The following CLN6 variants were observed in gnomAD, a reference collection of about 807,000 sequenced individuals.
The protein encoded by CLN6 is ceroid-lipofuscinosis neuronal protein 6.
CLN6 carries 22 observed loss-of-function variants against 33.3 expected under a neutral mutation model. The observed-to-expected ratio is 0.66, with a 90% CI of 0.47 to 0.94. The LOEUF is 0.94. CLN6 is among the 40% of genes least tolerant of loss of function. The pLI is 0.00. For missense variants in CLN6, 387 were observed against 417.1 expected (o/e 0.93, Z 0.63); for synonymous variants, 201 against 174.6 (o/e 1.15, Z -1.19).
intron 2 of CLN6, 31 bp downstream of exon 2, chr15:68,218,505 G>T (rs367865624): frequency 1.4e-5 from 21 of 1,505,858 alleles, no homozygotes; most frequent in Middle Eastern, 1.7e-4. Context: ...CTCAGTGCTG[G>T]TCAGAGCCCT....
In CLN6 at chr15:68,219,664, G is replaced by C. The variant is rs1318679250; in HGVS notation, c.84-1014C>G. 1.3e-5 allele frequency among the ~76,000 whole-genome samples: 2 copies of C among 152,142 alleles called. No homozygotes were observed. Among genetic ancestry groups the C allele is most frequent in the African/African-American group, 4.8e-5 (2 of 41,432 alleles). ...CGCCAACCCAGTCTGGCATAATGGG[G>C]CTGGAGCTGTACTCTCCCATCTAGA... is the stretch of plus-strand genomic sequence containing the variant. On this transcript the variant is annotated intron_variant, in intron 1 of 6. Transcript: ENST00000249806. This position sits in a 1 kb window ranked among gnomAD's most constrained non-coding sequence, Gnocchi z 4.2.
At position 68,208,559 on chromosome 15, in the gene CLN6, A is replaced by G. The variant is rs2093194898; in HGVS notation, c.666-149T>C. On this transcript the variant is annotated intron_variant, in intron 6 of 6. Transcript: ENST00000249806. This position sits in a 1 kb window ranked among gnomAD's most constrained non-coding sequence, Gnocchi z 5.8. ...TCAGAGAACTATGCCGCTCTAAGCC[A>G]CAGCCCATGGGCAGCATATTGATTT... 3 of 771,320 alleles carry G rather than the reference A, an allele frequency of 3.9e-6. No homozygotes were observed. The South Asian group carries it at 4.8e-5, about 12-fold the overall frequency. 47.8% of individuals were successfully genotyped at this position (771,320 alleles called of 1,614,324 possible). A position where few individuals can be genotyped will look rare whatever the true frequency, so the allele number is the denominator to read the frequency against.
chr15:68,211,209 A>G lies in CLN6; in HGVS notation c.542+54T>C. The stretch of plus-strand genomic sequence containing the variant: ...CTCAGTGTGTCCCTGAGCCAGTGAC[A>G]GGGCTAGCCGGTAGTTGGGGCCCCT... On this transcript the variant is annotated intron_variant, in intron 5 of 6. Transcript: ENST00000249806. This position sits in a 1 kb window ranked among gnomAD's most constrained non-coding sequence, Gnocchi z 5.9. 1 of 1,477,106 alleles carries G rather than the reference A, an allele frequency of 6.8e-7. No homozygotes were observed. The highest frequency in any genetic ancestry group is 2.3e-5 in the East Asian group (1 of 44,184). The allele number at this position is 1,477,106 out of a possible 1,614,324, so 91.5% of individuals were successfully genotyped here.
rs373260328 is a variant in CLN6, at chr15:68,226,123, G to C, written c.83+3379C>G. On this transcript the variant is annotated intron_variant, in intron 1 of 6. Transcript: ENST00000249806. Reference sequence around the variant, plus strand: ...TCACAAAGTCAGAAGTTTGAGACCAGCCTGGCCAACATGGTGAAACGCCGT... The same window carrying C: ...TCACAAAGTCAGAAGTTTGAGACCACCCTGGCCAACATGGTGAAACGCCGT... Among the ~76,000 whole-genome samples the C allele has an allele frequency of 3.3e-5, 5 of 151,954 alleles. No individual in the cohort carries two copies. The East Asian group carries it at 5.9e-4, about 18-fold the overall frequency.
intron 1 of CLN6, chr15:68,254,782 G>A: frequency 1.1e-6 from 1 of 895,262 alleles, no homozygotes; most frequent in Non-Finnish European, 1.9e-6. Context: ...AGAAGGGAGA[G>A]AAGGTACCAA....
At chr15:68,216,489 T>A (rs146114978) in intron 2 of CLN6, among the ~76,000 whole-genome samples, 1 of 152,218 alleles carries the variant, frequency 6.6e-6, no homozygotes, top group Non-Finnish European at 1.5e-5. Flanking sequence ...CCTGACAGCA[T>A]TGCCAGGACA....
intron 1 of CLN6, among the ~76,000 whole-genome samples, chr15:68,254,035 G>T (rs995552148): frequency 6.6e-6 from 1 of 151,876 alleles, no homozygotes; most frequent in East Asian, 1.9e-4. Flanking sequence ...CCACCACCGC[G>T]CCCGGCTAAT....
chr15:68,231,054 A>C (rs1258405047), upstream of CLN6, among the ~76,000 whole-genome samples: 1 of 152,226 alleles, frequency 6.6e-6, no homozygotes, highest in Non-Finnish European at 1.5e-5. Context: ...TTCCCAGACC[A>C]TGAGGGGTCT....
At position 68,207,999 on chromosome 15, in the gene CLN6, C is replaced by T. The variant is rs538713768; in HGVS notation, c.*141G>A. ...TACAAGACACACACACACACACACACGAATCCACGCACACGAGGCACACCC... is the reference window on the plus strand; with the variant it reads ...TACAAGACACACACACACACACACATGAATCCACGCACACGAGGCACACCC... On this transcript the variant is annotated 3_prime_UTR_variant, in exon 7 of 7. Coordinates refer to ENST00000249806, the MANE Select transcript of CLN6 (RefSeq NM_017882.3). The T allele has an allele frequency of 3.3e-4, 264 of 796,818 alleles. 1 individual carries two copies. The highest frequency in any genetic ancestry group is 8.9e-4 in the Admixed American group (42 of 47,160). The allele number at this position is 796,818 out of a possible 1,614,324, so 49.4% of individuals were successfully genotyped here.
At chr15:68,217,364 G>A (rs1212375602) in intron 2 of CLN6, among the ~76,000 whole-genome samples, 3 of 152,158 alleles carry the variant, frequency 2.0e-5, no homozygotes, top group African/African-American at 7.2e-5. Context: ...TGAGTAGCTG[G>A]GACTACAGGT....
rs955521082 is a variant in CLN6, at chr15:68,210,329, C to A, written c.543-570G>T. 5.9e-5 allele frequency among the ~76,000 whole-genome samples: 9 copies of A among 152,274 alleles called. 1 individual carries two copies. The highest frequency in any genetic ancestry group is 5.9e-5 in the Non-Finnish European group (4 of 68,012). Reference sequence around the variant, plus strand: ...CGCCTGCCTCTTCTCACCCACACCCCCTTCCTGCTGGGGCTCCAGCTCTCT... The same window carrying A: ...CGCCTGCCTCTTCTCACCCACACCCACTTCCTGCTGGGGCTCCAGCTCTCT... On this transcript the variant is annotated intron_variant, in intron 5 of 6. Transcript: ENST00000249806. The surrounding 1 kb of genome is among the most constrained non-coding windows in gnomAD (Gnocchi z 5.6).
At position 68,210,069 on chromosome 15, in the gene CLN6, C is replaced by T. The variant is rs934119500; in HGVS notation, c.543-310G>A. Among the ~76,000 whole-genome samples the T allele has an allele frequency of 3.7e-4, 56 of 152,112 alleles. No individual in the cohort carries two copies. Among genetic ancestry groups the T allele is most frequent in the African/African-American group, 1.2e-3 (49 of 41,430 alleles). ...GGTTGTCTGTCTCATGCACCGCAGA[C>T]ACCAGCAGCCCAGCACCACACTAGC... is the stretch of plus-strand genomic sequence containing the variant. On this transcript the variant is annotated intron_variant, in intron 5 of 6. Transcript: ENST00000249806. This position sits in a 1 kb window ranked among gnomAD's most constrained non-coding sequence, Gnocchi z 5.6.
At chr15:68,240,924 C>T (rs573645661) in intron 1 of CLN6, among the ~76,000 whole-genome samples, 185 of 148,656 alleles carry the variant, frequency 1.2e-3, no homozygotes, top group African/African-American at 4.4e-3. Context: ...GTGGAGGTTG[C>T]AGTGAGCCGA....
Position 68,209,533 on chromosome 15 carries a change from A to G in CLN6, c.665+104T>C. 3 of 1,499,364 alleles carry G rather than the reference A, an allele frequency of 2.0e-6. No homozygotes were observed. The highest frequency in any genetic ancestry group is 2.8e-6 in the Non-Finnish European group (3 of 1,090,900). The allele number at this position is 1,499,364 out of a possible 1,614,324, so 92.9% of individuals were successfully genotyped here. On this transcript the variant is annotated intron_variant, in intron 6 of 6. Coordinates refer to ENST00000249806, the MANE Select transcript of CLN6 (RefSeq NM_017882.3). The surrounding 1 kb of genome is among the most constrained non-coding windows in gnomAD (Gnocchi z 4.9). The stretch of plus-strand genomic sequence containing the variant: ...AAGAAGCACGGGCCCAAAGAGGGCC[A>G]GTCTCCCTGGGGCCACACAGCAGGT...
In CLN6 at chr15:68,211,870, T is replaced by G; in HGVS notation, c.298-7A>C. The G allele has an allele frequency of 6.2e-7, 1 of 1,612,958 alleles. No individual in the cohort carries two copies. Reference sequence around the variant, plus strand: ...GGGGGGACCGCTCGATGAGCTGGGGTTCAGAGTGGGGTTGGCAGCATGACC... The same window carrying G: ...GGGGGGACCGCTCGATGAGCTGGGGGTCAGAGTGGGGTTGGCAGCATGACC... On this transcript the variant is annotated splice_polypyrimidine_tract_variant and splice_region_variant and intron_variant, in intron 3 of 6. Transcript: ENST00000249806. The surrounding 1 kb of genome is among the most constrained non-coding windows in gnomAD (Gnocchi z 5.9).
intron 2 of CLN6, among the ~76,000 whole-genome samples, chr15:68,216,626 T>A (rs2093221198): frequency 6.6e-6 from 1 of 152,220 alleles, no homozygotes; most frequent in South Asian, 2.1e-4. Context: ...TGCTCTATAG[T>A]ATCCATAATT....
At chr15:68,225,434 T>C (rs1402523204) in intron 1 of CLN6, among the ~76,000 whole-genome samples, 2 of 152,158 alleles carry the variant, frequency 1.3e-5, no homozygotes, top group African/African-American at 2.4e-5. Flanking sequence ...ACAGAAATTG[T>C]AGGAAGGGGT....
rs1212435557 is a variant in CLN6, at chr15:68,227,880, G to T, written c.83+1622C>A. 6.6e-6 allele frequency among the ~76,000 whole-genome samples: 1 copy of T among 152,212 alleles called. No individual in the cohort carries two copies. The highest frequency in any genetic ancestry group is 1.5e-5 in the Non-Finnish European group (1 of 68,042). Reference sequence around the variant, plus strand: ...ACCCACAGGCTGTTCCCATTGGGCTGTCACAGTTCAGGGCAGTCAGTGACC... The same window carrying T: ...ACCCACAGGCTGTTCCCATTGGGCTTTCACAGTTCAGGGCAGTCAGTGACC... On this transcript the variant is annotated intron_variant, in intron 1 of 6. Transcript: ENST00000249806. This position sits in a 1 kb window ranked among gnomAD's most constrained non-coding sequence, Gnocchi z 4.1.
intron 3 of CLN6, chr15:68,213,122 A>C (rs970394478): frequency 6.6e-5 from 10 of 152,000 alleles, no homozygotes; most frequent in African/African-American, 2.4e-4. Context: ...AGGTTTTGCC[A>C]TGTTGGCCAG....
Sources: gnomAD v4.1 joint callset for allele counts (sites outside exome capture counted in the v4.1 genomes callset) on GRCh38, gnomAD v4.1.1 for gene constraint, Gnocchi (gnomAD v3.1) non-coding constraint, MANE v1.5 for transcripts, NCBI Gene and HGNC (gene_info 2026-07-23, HGNC 2026-07-21) for gene names.